SUGP1: variants seen among roughly 807,000 people sequenced by gnomAD.
The protein encoded by SUGP1 is SURP and G-patch domain-containing protein 1.
A neutral mutation model predicts 76.5 loss-of-function variants in SUGP1; 34 were observed. The observed-to-expected ratio is 0.44, with a 90% CI of 0.34 to 0.59. The LOEUF is 0.59. SUGP1 is among the 20% of genes least tolerant of loss of function. SUGP1 has a pLI of 0.01. For synonymous variants in SUGP1, 326 were observed against 326.2 expected, an observed-to-expected ratio of 1.00 and a Z score of 0.01; for missense variants, 752 against 851.7, an observed-to-expected ratio of 0.88 and a Z score of 1.46.
chr19:19,283,919 G>A (rs1327716274), intron 8 of SUGP1, among the ~76,000 whole-genome samples: 5 of 152,218 alleles, frequency 3.3e-5, no homozygotes, highest in African/African-American at 1.2e-4. Context: ...TAGCTGTAGT[G>A]CACACGGTAC....
intron 2 of SUGP1, among the ~76,000 whole-genome samples, chr19:19,313,346 G>C (rs899637782): frequency 2.0e-5 from 3 of 152,136 alleles, no homozygotes; most frequent in Non-Finnish European, 2.9e-5. Context: ...AGTGGGCCAA[G>C]ATCGCGCCAT....
chr19:19,286,283 C>T (rs1004773550), intron 8 of SUGP1, among the ~76,000 whole-genome samples: 3 of 152,132 alleles, frequency 2.0e-5, no homozygotes, highest in African/African-American at 7.2e-5. Context: ...CTACTTCAGC[C>T]TCTAGATTGG....
At chr19:19,295,653 T>C (rs2061219710) in intron 8 of SUGP1, among the ~76,000 whole-genome samples, 1 of 146,200 alleles carries the variant, frequency 6.8e-6, no homozygotes, top group Non-Finnish European at 1.5e-5. Flanking sequence ...GAGGTTGCAG[T>C]GAGCTGAGAT....
chr19:19,286,514 C>T (rs542820761), intron 8 of SUGP1, among the ~76,000 whole-genome samples: 4 of 152,208 alleles, frequency 2.6e-5, no homozygotes, highest in African/African-American at 7.2e-5. Context: ...TGAAGGAAAT[C>T]GTGAAAGAGA....
Position 19,320,509 on chromosome 19 carries a change from T to G in SUGP1, c.-13A>C. ...TCTTGAGACTCATCCAATCCCACAA[T>G]GCTCCGGCGCCCCTTAAGGGGCCCT... On this transcript the variant is annotated 5_prime_UTR_variant, in exon 1 of 14. Transcript: ENST00000247001. 6.2e-7 allele frequency: 1 copy of G among 1,609,782 alleles called. No individual in the cohort carries two copies. The highest frequency in any genetic ancestry group is 8.5e-7 in the Non-Finnish European group (1 of 1,178,434).
chr19:19,304,045 T>C (rs2061295484), intron 4 of SUGP1, 198 bp from the exon 5 acceptor site: 1 of 1,560,892 alleles, frequency 6.4e-7, no homozygotes, highest in African/African-American at 1.3e-5. Flanking sequence ...TGAGACACAC[T>C]AGGTGGGAGA....
chr19:19,313,019 A>C (rs1285897511), intron 2 of SUGP1, among the ~76,000 whole-genome samples: 3 of 151,648 alleles, frequency 2.0e-5, no homozygotes, highest in African/African-American at 7.3e-5. Flanking sequence ...AAAATAAATA[A>C]ATAAAAAAAA....
intron 12 of SUGP1, among the ~76,000 whole-genome samples, chr19:19,277,423 G>C (rs912947922): frequency 6.6e-6 from 1 of 152,112 alleles, no homozygotes; most frequent in East Asian, 1.9e-4. Flanking sequence ...GAGTGGTTTC[G>C]CACTCATGGG....
intron 8 of SUGP1, among the ~76,000 whole-genome samples, chr19:19,289,786 A>C (rs1354997749): frequency 6.6e-6 from 1 of 152,108 alleles, no homozygotes. Flanking sequence ...CAAAAACAAA[A>C]AAGAATGAAT....
In SUGP1 at chr19:19,302,353, C is replaced by A. The variant is rs560561021; in HGVS notation, c.799G>T (p.Ala267Ser). 2.5e-6 allele frequency: 4 copies of A among 1,614,226 alleles called. No individual in the cohort carries two copies. Among genetic ancestry groups the A allele is most frequent in the South Asian group, 1.1e-5 (1 of 91,088 alleles). The change falls in exon 7 of 14, where the codon GCA becomes TCA. Residue 267 changes from alanine to serine, a missense_variant. Physicochemically the swap from Ala to Ser is moderately conservative, Grantham distance 99 (BLOSUM62 1). Coordinates refer to ENST00000247001, the MANE Select transcript of SUGP1 (RefSeq NM_172231.4). ...PPEDEEVKNL[A>S]EKLARFIADG... ...GCTATGAACCTGGCCAACTTTTCTG[C>A]AAGGTTCTTGACCTCTTCGTCCTCT...
At chr19:19,279,148 C>A (rs1336715992) in intron 10 of SUGP1, 65 bp downstream of exon 10, 2 of 1,469,844 alleles carry the variant, frequency 1.4e-6, no homozygotes, top group Non-Finnish European at 9.0e-7. Flanking sequence ...ATCCAGGTAA[C>A]CTTCCAGGGC....
At chr19:19,291,930 C>CACACACAA (rs2061187785) in intron 8 of SUGP1, among the ~76,000 whole-genome samples, 1 of 142,822 alleles carries the variant, frequency 7.0e-6, no homozygotes, top group Non-Finnish European at 1.6e-5. Flanking sequence ...CACACACACA[C>CACACACAA]ACAAAAGGGC....
In SUGP1 at chr19:19,310,151, C is replaced by A; in HGVS notation, c.256G>T (p.Asp86Tyr). 1 of 1,613,718 alleles carries A rather than the reference C, an allele frequency of 6.2e-7. No individual in the cohort carries two copies. Among genetic ancestry groups the A allele is most frequent in the South Asian group, 1.1e-5 (1 of 91,072 alleles). Reference protein sequence around the residue: ...SSCISNKFANDGSFLQQFLKL... With the variant: ...SSCISNKFANYGSFLQQFLKL... ...AGAAACTGCTGCAAGAAGCTACCATCGTTGGCAAACTTGTTGGAAATGCAG... is the reference window on the plus strand; with the variant it reads ...AGAAACTGCTGCAAGAAGCTACCATAGTTGGCAAACTTGTTGGAAATGCAG... Residue 86 changes from aspartate to tyrosine, a missense_variant, in exon 3 of 14, where the codon GAT becomes TAT. By Grantham distance (160) the Asp-to-Tyr change is radical (BLOSUM62 -3). Coordinates refer to ENST00000247001, the MANE Select transcript of SUGP1 (RefSeq NM_172231.4).
Sources: allele counts gnomAD v4.1 joint callset (sites outside exome capture counted in the v4.1 genomes callset), GRCh38; gene constraint gnomAD v4.1.1; transcripts MANE v1.5; gene names NCBI Gene and HGNC (gene_info 2026-07-23, HGNC 2026-07-21).